Variants in MAN2A1 observed in about 807,000 individuals in gnomAD.
MAN2A1 encodes the protein mannosidase alpha class 2A member 1.
A neutral mutation model predicts 142.6 loss-of-function variants in MAN2A1; 76 were observed. The ratio of observed to expected loss-of-function variants is 0.53; its 90% CI spans 0.44 to 0.65. The LOEUF is 0.65. Ranked by LOEUF, MAN2A1 falls within the 30% of genes least tolerant of loss-of-function variation. The probability of loss-of-function intolerance (pLI) is 0.00; values close to 1 mark genes in which losing one functional copy is unlikely to be tolerated. For synonymous variants in MAN2A1, 559 were observed against 473.2 expected, an observed-to-expected ratio of 1.18 and a Z score of -2.35; for missense variants, 1,311 against 1,365.1, an observed-to-expected ratio of 0.96 and a Z score of 0.62.
chr5:109,852,900 A>T (rs763400160), intron 19 of MAN2A1, among the ~76,000 whole-genome samples: 1 of 152,194 alleles, frequency 6.6e-6, no homozygotes, highest in Non-Finnish European at 1.5e-5. Context: ...TGTAAATATG[A>T]TAAGAAAGTA....
At chr5:109,761,572 A>G (rs6868564) in intron 5 of MAN2A1, among the ~76,000 whole-genome samples, 75,628 of 151,738 alleles carry the variant, frequency 0.5, 20,722 homozygotes, top group African/African-American at 0.75. Flanking sequence ...GTACTATTGA[A>G]TTTAATTTAT....
intron 16 of MAN2A1, among the ~76,000 whole-genome samples, chr5:109,826,145 A>G (rs976419575): frequency 6.6e-6 from 1 of 151,576 alleles, no homozygotes; most frequent in Non-Finnish European, 1.5e-5. Context: ...ACCTCAGGTA[A>G]TCCACCCGCC....
chr5:109,733,845 A>G (rs1343183981), intron 4 of MAN2A1, among the ~76,000 whole-genome samples: 5 of 152,246 alleles, frequency 3.3e-5, no homozygotes, highest in Admixed American at 6.5e-5. Context: ...TGTCTCTGTC[A>G]GGCTTTGGTA....
At chr5:109,857,821 C>T (rs1755662382) in intron 20 of MAN2A1, among the ~76,000 whole-genome samples, 2 of 152,188 alleles carry the variant, frequency 1.3e-5, no homozygotes, top group South Asian at 2.1e-4. Flanking sequence ...TTACTGCAGC[C>T]ACCTGGCTTC....
chr5:109,852,280 C>T (rs1755503846), intron 19 of MAN2A1, among the ~76,000 whole-genome samples: 1 of 152,094 alleles, frequency 6.6e-6, no homozygotes, highest in South Asian at 2.1e-4. Flanking sequence ...TTTCTCTCCT[C>T]CTTCCTCTTT....
chr5:109,833,448 A>T (rs1032262925), intron 16 of MAN2A1, among the ~76,000 whole-genome samples: 1 of 152,008 alleles, frequency 6.6e-6, no homozygotes, highest in African/African-American at 2.4e-5. Flanking sequence ...CTAGCAGATC[A>T]CTCGTGGTTA....
chr5:109,702,989 C>T (rs1342843384), intron 1 of MAN2A1, among the ~76,000 whole-genome samples: 1 of 152,080 alleles, frequency 6.6e-6, no homozygotes, highest in Non-Finnish European at 1.5e-5. Context: ...TGCCTAAATA[C>T]CTGTCCCCTG....
chr5:109,705,427 C>A (rs890715513), intron 1 of MAN2A1, among the ~76,000 whole-genome samples: 1 of 152,006 alleles, frequency 6.6e-6, no homozygotes. Context: ...CCTTGTTAGA[C>A]CAAATTATGC....
chr5:109,748,257 T>C (rs1283009428), intron 4 of MAN2A1, among the ~76,000 whole-genome samples: 4 of 152,222 alleles, frequency 2.6e-5, no homozygotes, highest in Non-Finnish European at 5.9e-5. Context: ...CAGTATGTTA[T>C]ACAACTTTTT....
intron 2 of MAN2A1, among the ~76,000 whole-genome samples, chr5:109,714,248 T>A (rs1751390956): frequency 6.6e-6 from 1 of 151,968 alleles, no homozygotes; most frequent in Non-Finnish European, 1.5e-5. Flanking sequence ...CTTTCCAGTA[T>A]GGAAGCCCCT....
intron 16 of MAN2A1, among the ~76,000 whole-genome samples, chr5:109,830,925 G>A (rs1336539578): frequency 6.6e-6 from 1 of 152,194 alleles, no homozygotes; most frequent in African/African-American, 2.4e-5. Flanking sequence ...CTGTTTGAGA[G>A]CAGCTGATTG....
intron 16 of MAN2A1, among the ~76,000 whole-genome samples, chr5:109,824,046 G>A (rs1317893276): frequency 6.6e-6 from 1 of 152,124 alleles, no homozygotes; most frequent in Admixed American, 6.5e-5. Context: ...ATGTTCCTCT[G>A]TATATCTTCT....
At chr5:109,819,529 G>T in intron 13 of MAN2A1, 140 bp from the exon 14 acceptor site, 1 of 493,870 alleles carries the variant, frequency 2.0e-6, no homozygotes. Context: ...TGTGGACATG[G>T]AACCTGTGGA....
chr5:109,793,600 T>TG (rs760093475), intron 12 of MAN2A1, among the ~76,000 whole-genome samples: 5 of 152,096 alleles, frequency 3.3e-5, no homozygotes, highest in Non-Finnish European at 5.9e-5. Context: ...TAAGTAAACT[T>TG]TAAGACCGTT....
intron 4 of MAN2A1, among the ~76,000 whole-genome samples, chr5:109,742,529 A>G (rs1752297786): frequency 6.6e-6 from 1 of 152,210 alleles, no homozygotes; most frequent in South Asian, 2.1e-4. Flanking sequence ...AATCAGAGAA[A>G]TATTTGATGT....
chr5:109,837,426 C>T (rs1296333011), intron 16 of MAN2A1, among the ~76,000 whole-genome samples: 1 of 152,082 alleles, frequency 6.6e-6, no homozygotes, highest in African/African-American at 2.4e-5. Flanking sequence ...TACTCGCTTA[C>T]TACAAGGCCT....
At chr5:109,708,509 G>GACAGACACACACACACAC (rs1751203281) in intron 1 of MAN2A1, among the ~76,000 whole-genome samples, 1 of 124,542 alleles carries the variant, frequency 8.0e-6, no homozygotes, top group African/African-American at 3.1e-5. Flanking sequence ...GAACTGATAG[G>GACAGACACACACACACAC]ACACACACAC....
intron 4 of MAN2A1, among the ~76,000 whole-genome samples, chr5:109,746,784 C>G (rs954542499): frequency 6.6e-6 from 1 of 152,142 alleles, no homozygotes; most frequent in African/African-American, 2.4e-5. Context: ...CCTCTTGCTC[C>G]TGGCAACCAC....
chr5:109,767,876 C>G (rs1348064553), intron 6 of MAN2A1, among the ~76,000 whole-genome samples, 168 bp downstream of exon 6: 1 of 152,116 alleles, frequency 6.6e-6, no homozygotes, highest in East Asian at 1.9e-4. Flanking sequence ...TGTCAAGATT[C>G]TTTTAAGTAA....
Sources: allele counts gnomAD v4.1 joint callset (sites outside exome capture counted in the v4.1 genomes callset), GRCh38; gene constraint gnomAD v4.1.1; transcripts MANE v1.5; gene names NCBI Gene and HGNC (gene_info 2026-07-23, HGNC 2026-07-21).